The following AKAP19 variants were observed in gnomAD, a reference collection of about 807,000 sequenced individuals.
AKAP19 encodes small A-kinase anchoring protein.
chr2:190,017,021 T>A, the AKAP19 span, among the ~76,000 whole-genome samples: 1 of 152,214 alleles, frequency 6.6e-6, no homozygotes, highest in South Asian at 2.1e-4. Context: ...TTGACCCTTT[T>A]ATCATTATAT....
chr2:190,051,945 C>T, the AKAP19 span, among the ~76,000 whole-genome samples: 1 of 151,930 alleles, frequency 6.6e-6, no homozygotes, highest in Non-Finnish European at 1.5e-5. Context: ...TCACGCCATT[C>T]TCCTGCCTCA....
chr2:190,191,612 A>G, the AKAP19 span, among the ~76,000 whole-genome samples: 5 of 152,222 alleles, frequency 3.3e-5, no homozygotes, highest in African/African-American at 1.2e-4. Context: ...ATGAGAGTGC[A>G]GTTGCTCTGT....
At chr2:190,028,116 C>G in the AKAP19 span, among the ~76,000 whole-genome samples, 1 of 151,996 alleles carries the variant, frequency 6.6e-6, no homozygotes, top group Non-Finnish European at 1.5e-5. Context: ...CTTTGCTTAG[C>G]TTTTTTATTA....
At chr2:190,075,448 C>G in the AKAP19 span, among the ~76,000 whole-genome samples, 14 of 152,258 alleles carry the variant, frequency 9.2e-5, no homozygotes, top group African/African-American at 3.4e-4. Flanking sequence ...TGCTCCAACT[C>G]TAATGATGAA....
At chr2:190,092,795 C>T in the AKAP19 span, among the ~76,000 whole-genome samples, 5 of 152,090 alleles carry the variant, frequency 3.3e-5, no homozygotes, top group East Asian at 9.6e-4. Flanking sequence ...CATTGTCGGT[C>T]TGATCTGTGA....
At chr2:190,072,714 CTCT>C in the AKAP19 span, among the ~76,000 whole-genome samples, 44 of 152,248 alleles carry the variant, frequency 2.9e-4, no homozygotes, top group African/African-American at 9.1e-4. Context: ...AAATCAACAT[CTCT>C]TCTTCTACTT....
chr2:190,095,384 T>C, the AKAP19 span: 1 of 152,152 alleles, frequency 6.6e-6, no homozygotes, highest in Non-Finnish European at 1.5e-5. Flanking sequence ...CCTGATGTGA[T>C]GGTATTTGAA....
chr2:190,143,215 G>A, the AKAP19 span, among the ~76,000 whole-genome samples: 1 of 148,072 alleles, frequency 6.8e-6, no homozygotes, highest in Non-Finnish European at 1.5e-5. Flanking sequence ...ATGTGTAACT[G>A]CTGCCTGGAG....
At chr2:190,084,488 T>G in the AKAP19 span, among the ~76,000 whole-genome samples, 1 of 152,184 alleles carries the variant, frequency 6.6e-6, no homozygotes, top group East Asian at 1.9e-4. Context: ...CATGATAAAT[T>G]GGTGGAAAAT....
chr2:190,199,143 T>C, the AKAP19 span, among the ~76,000 whole-genome samples: 1 of 152,172 alleles, frequency 6.6e-6, no homozygotes, highest in Non-Finnish European at 1.5e-5. Context: ...TGTAGGTTCA[T>C]GAGGTTTGGG....
the AKAP19 span, among the ~76,000 whole-genome samples, chr2:190,177,703 T>TG: frequency 6.6e-6 from 1 of 152,148 alleles, no homozygotes; most frequent in African/African-American, 2.4e-5. This position sits in a 1 kb window ranked among gnomAD's most constrained non-coding sequence, Gnocchi z 4.6. Flanking sequence ...CTGTCTGACG[T>TG]GGAAGTTTTA....
At chr2:190,004,980 C>A in the AKAP19 span, among the ~76,000 whole-genome samples, 3 of 152,164 alleles carry the variant, frequency 2.0e-5, no homozygotes, top group East Asian at 1.9e-4. Flanking sequence ...AAGCCACGGA[C>A]CCTCACAGTG....
chr2:190,025,744 A>C, the AKAP19 span, among the ~76,000 whole-genome samples: 1 of 152,204 alleles, frequency 6.6e-6, no homozygotes, highest in African/African-American at 2.4e-5. Flanking sequence ...TCAGATCTTC[A>C]TGATAATCTG....
At chr2:189,986,932 G>A in the AKAP19 span, among the ~76,000 whole-genome samples, 3 of 152,068 alleles carry the variant, frequency 2.0e-5, no homozygotes, top group Non-Finnish European at 4.4e-5. Flanking sequence ...TTATTAGAAT[G>A]AGAAAGAAGG....
chr2:190,033,171 G>T, the AKAP19 span, among the ~76,000 whole-genome samples: 2 of 152,108 alleles, frequency 1.3e-5, no homozygotes, highest in African/African-American at 4.8e-5. Context: ...CTTTAGCCAG[G>T]TGGGACCATA....
At chr2:190,146,335 C>T in the AKAP19 span, among the ~76,000 whole-genome samples, 2 of 152,194 alleles carry the variant, frequency 1.3e-5, no homozygotes, top group African/African-American at 4.8e-5. Context: ...TTCATGACTG[C>T]ATAGTATTCC....
At chr2:190,176,185 T>C in the AKAP19 span, among the ~76,000 whole-genome samples, 1 of 152,228 alleles carries the variant, frequency 6.6e-6, no homozygotes, top group African/African-American at 2.4e-5. The surrounding 1 kb of genome is among the most constrained non-coding windows in gnomAD (Gnocchi z 4.7). Context: ...ATATAGGTAA[T>C]CTAATGATTT....
the AKAP19 span, chr2:190,200,267 A>AATGTCACTATTATAAGAACAACTAGG: frequency 1.3e-6 from 1 of 787,318 alleles, no homozygotes; most frequent in African/African-American, 1.7e-5. Context: ...TGTCTACGAT[A>AATGTCACTATTATAAGAACAACTAGG]ATGTCACTAT....
At chr2:190,101,139 C>CT in the AKAP19 span, among the ~76,000 whole-genome samples, 371 of 152,338 alleles carry the variant, frequency 2.4e-3, no homozygotes, top group African/African-American at 8.7e-3. Context: ...CTTTGGCATC[C>CT]TGGCAGTGTG....
Sources: allele counts gnomAD v4.1 joint callset (sites outside exome capture counted in the v4.1 genomes callset), GRCh38; gene constraint gnomAD v4.1.1; non-coding constraint Gnocchi (gnomAD v3.1); transcripts MANE v1.5; gene names NCBI Gene and HGNC (gene_info 2026-07-23, HGNC 2026-07-21).